Variants in MTUS2 observed in about 807,000 individuals in gnomAD.
MTUS2 encodes the protein microtubule associated scaffold protein 2, also known as microtubule-associated tumor suppressor candidate 2.
A neutral mutation model predicts 114.1 loss-of-function variants in MTUS2; 40 were observed. The observed-to-expected ratio is 0.35, with a 90% CI of 0.27 to 0.46. The LOEUF is 0.46. MTUS2 is among the 20% of genes least tolerant of loss of function. The pLI, the probability that MTUS2 is intolerant of heterozygous loss-of-function variation, is 1.00. For missense variants in MTUS2, 1,679 were observed against 1,705.4 expected, an observed-to-expected ratio of 0.98 and a Z score of 0.27; for synonymous variants, 688 against 672.0, an observed-to-expected ratio of 1.02 and a Z score of -0.37.
chr13:28,993,867 A>G lies in MTUS2; in HGVS notation c.-242-30590A>G, dbSNP rs531987727. 2.6e-5 allele frequency among the ~76,000 whole-genome samples: 4 copies of G among 151,748 alleles called. No homozygotes were observed. In the East Asian group the frequency reaches 7.7e-4, roughly 29 times the overall value. ...CATTTCTTCTCATTTTCATTTATGT[A>G]TATTCTATAGTTTATTTTAATGTTT... On this transcript the variant is annotated intron_variant, in intron 2 of 15. Transcript: ENST00000612955.
At chr13:29,299,847 A>G (rs530629803) in intron 6 of MTUS2, among the ~76,000 whole-genome samples, 53 of 151,646 alleles carry the variant, frequency 3.5e-4, no homozygotes, top group African/African-American at 1.3e-3. Context: ...AAGCTGTGAA[A>G]TGGTCTAAAG....
At chr13:28,831,859 C>T (rs767398302) in intron 1 of MTUS2, among the ~76,000 whole-genome samples, 3 of 152,008 alleles carry the variant, frequency 2.0e-5, no homozygotes, top group East Asian at 1.9e-4. Flanking sequence ...TGAGTTCAAG[C>T]GATTCTCTTG....
At position 29,024,376 on chromosome 13, in the gene MTUS2, A is replaced by G. The variant is rs532850404; in HGVS notation, c.-242-81A>G. 1.2e-4 allele frequency: 36 copies of G among 294,704 alleles called. No individual in the cohort carries two copies. The South Asian group carries it at 5.2e-3, about 42-fold the overall frequency. 18.3% of individuals were successfully genotyped at this position (294,704 alleles called of 1,614,324 possible). ...TGAAATAATAATATAGAAATGACAAATAAATCTGTGTTTACCACTTTTTTC... is the reference window on the plus strand; with the variant it reads ...TGAAATAATAATATAGAAATGACAAGTAAATCTGTGTTTACCACTTTTTTC... On this transcript the variant is annotated intron_variant, in intron 2 of 15. Coordinates refer to ENST00000612955, the MANE Select transcript of MTUS2 (RefSeq NM_001033602.4).
chr13:29,393,537 A>T (rs1291229115), intron 8 of MTUS2, among the ~76,000 whole-genome samples: 1 of 152,324 alleles, frequency 6.6e-6, no homozygotes, highest in East Asian at 1.9e-4. Context: ...CTTCCCCTGC[A>T]GTCAGGCAGC....
At chr13:29,129,811 T>A (rs753105578) in intron 5 of MTUS2, among the ~76,000 whole-genome samples, 11 of 152,186 alleles carry the variant, frequency 7.2e-5, no homozygotes, top group Non-Finnish European at 1.5e-4. Context: ...GGGCTTGGGC[T>A]GTCATCATGA....
At chr13:29,299,965 G>C (rs949636198) in intron 6 of MTUS2, among the ~76,000 whole-genome samples, 1 of 152,002 alleles carries the variant, frequency 6.6e-6, no homozygotes, top group Non-Finnish European at 1.5e-5. Context: ...ATTTTGGAGG[G>C]GGGGGCACTT....
intron 2 of MTUS2, among the ~76,000 whole-genome samples, chr13:28,883,583 A>G (rs751073947): frequency 3.9e-5 from 6 of 152,182 alleles, no homozygotes; most frequent in Non-Finnish European, 8.8e-5. Flanking sequence ...TTAACATAAC[A>G]CTTTTGAAGT....
At chr13:28,916,025 G>C (rs752928991) in intron 2 of MTUS2, among the ~76,000 whole-genome samples, 1 of 151,748 alleles carries the variant, frequency 6.6e-6, no homozygotes, top group Non-Finnish European at 1.5e-5. Context: ...TGGATATCCA[G>C]TTTTCCCAGC....
chr13:28,893,600 G>A (rs1879058873), intron 2 of MTUS2, among the ~76,000 whole-genome samples: 3 of 152,156 alleles, frequency 2.0e-5, no homozygotes, highest in South Asian at 4.1e-4. Flanking sequence ...GTTTCATCAT[G>A]AGTAATTCTG....
At chr13:29,399,392 C>T (rs1001586078) in intron 8 of MTUS2, among the ~76,000 whole-genome samples, 3 of 152,192 alleles carry the variant, frequency 2.0e-5, no homozygotes, top group African/African-American at 7.2e-5. Context: ...GGGAATGCAG[C>T]CCAGTAGGTC....
chr13:29,120,074 T>C (rs1191797996), intron 5 of MTUS2, among the ~76,000 whole-genome samples: 4 of 152,164 alleles, frequency 2.6e-5, no homozygotes, highest in Non-Finnish European at 5.9e-5. Context: ...ACAATTGATA[T>C]CATGAAACAA....
At position 29,487,960 on chromosome 13, in the gene MTUS2, G is replaced by A. The variant is rs777064198; in HGVS notation, c.3460G>A (p.Val1154Ile). ...CCTAGAGATGGAAAATAACCACACAGTTGCCATCACAATCCTGCAGGATGA... is the reference window on the plus strand; with the variant it reads ...CCTAGAGATGGAAAATAACCACACAATTGCCATCACAATCCTGCAGGATGA... ...ALLEMENNHT[V>I]AITILQDDHD... is the part of the protein sequence containing the mutation. The change falls in exon 11 of 16, where the codon GTT becomes ATT. Residue 1154 changes from valine to isoleucine, a missense_variant. Physicochemically the swap from Val to Ile is conservative, Grantham distance 29. Coordinates refer to ENST00000612955, the MANE Select transcript of MTUS2 (RefSeq NM_001033602.4). 5.0e-6 allele frequency: 8 copies of A among 1,614,132 alleles called. No homozygotes were observed. The South Asian group carries it at 7.7e-5, about 16-fold the overall frequency.
intron 2 of MTUS2, among the ~76,000 whole-genome samples, chr13:28,928,437 C>CA (rs1881440837): frequency 6.6e-6 from 1 of 152,018 alleles, no homozygotes; most frequent in South Asian, 2.1e-4. Flanking sequence ...AAAAACTGGG[C>CA]AAAAAATCTA....
chr13:29,498,955 G>A (rs1417373424), intron 14 of MTUS2, among the ~76,000 whole-genome samples: 2 of 152,156 alleles, frequency 1.3e-5, no homozygotes, highest in African/African-American at 4.8e-5. Context: ...TTACAGATGC[G>A]GAGATGGAGC....
chr13:29,221,872 A>T (rs1895921685), intron 5 of MTUS2, among the ~76,000 whole-genome samples: 1 of 151,882 alleles, frequency 6.6e-6, no homozygotes, highest in African/African-American at 2.4e-5. Flanking sequence ...CACTTTTCAT[A>T]TTATAGTTCT....
chr13:29,136,767 C>A (rs992118449), intron 5 of MTUS2, among the ~76,000 whole-genome samples: 1 of 152,142 alleles, frequency 6.6e-6, no homozygotes, highest in Non-Finnish European at 1.5e-5. Flanking sequence ...GTTTTGTGAG[C>A]CACTCTAATT....
intron 2 of MTUS2, among the ~76,000 whole-genome samples, chr13:29,008,863 T>G (rs751116821): frequency 4.6e-5 from 7 of 152,102 alleles, no homozygotes; most frequent in Non-Finnish European, 1.0e-4. Flanking sequence ...GGGAGACTTG[T>G]GTTTTTCAGT....
intron 2 of MTUS2, among the ~76,000 whole-genome samples, chr13:28,948,619 T>C (rs1047727531): frequency 1.3e-5 from 2 of 152,218 alleles, no homozygotes; most frequent in African/African-American, 4.8e-5. Flanking sequence ...TCTCATAAAA[T>C]AGATGCTTGC....
intron 4 of MTUS2, among the ~76,000 whole-genome samples, chr13:29,098,110 T>C (rs9508271): frequency 0.67 from 102,103 of 151,920 alleles, 35,021 homozygotes; most frequent in Non-Finnish European, 0.74. Context: ...AAGCAGACTC[T>C]TGAGCTCTAC....
Sources: gnomAD v4.1 joint callset for allele counts (sites outside exome capture counted in the v4.1 genomes callset) on GRCh38, gnomAD v4.1.1 for gene constraint, MANE v1.5 for transcripts, NCBI Gene and HGNC (gene_info 2026-07-23, HGNC 2026-07-21) for gene names.